The following SH3RF2 variants were observed in gnomAD, a reference collection of about 807,000 sequenced individuals.
SH3RF2 encodes the protein SH3 domain containing ring finger 2.
Under a neutral mutation model 59.0 loss-of-function variants are expected in SH3RF2, and 43 were observed. The observed-to-expected ratio is 0.73, with a 90% confidence interval of 0.57 to 0.94. The LOEUF (loss-of-function observed/expected upper bound fraction) is 0.94, where lower values mean the gene tolerates loss of function less well. Ranked by LOEUF, SH3RF2 falls within the 40% of genes least tolerant of loss-of-function variation. The probability of loss-of-function intolerance (pLI) is 0.00; values close to 1 mark genes in which losing one functional copy is unlikely to be tolerated. For missense variants in SH3RF2, 930 were observed against 940.1 expected, an observed-to-expected ratio of 0.99 and a Z score of 0.14; for synonymous variants, 391 against 391.5, an observed-to-expected ratio of 1.00 and a Z score of 0.01.
chr5:146,009,848 C>T (rs942183775), intron 4 of SH3RF2, among the ~76,000 whole-genome samples: 6 of 152,030 alleles, frequency 3.9e-5, no homozygotes, highest in Non-Finnish European at 5.9e-5. Flanking sequence ...TCAACAAAAG[C>T]GACATTCAAT....
intron 8 of SH3RF2, among the ~76,000 whole-genome samples, chr5:146,057,241 C>T (rs1208050839): frequency 1.3e-5 from 2 of 152,200 alleles, no homozygotes; most frequent in Non-Finnish European, 2.9e-5. Context: ...ATCTTAGCTT[C>T]GCTGTCCAGT....
At chr5:145,998,946 A>G (rs1760279472) in intron 2 of SH3RF2, among the ~76,000 whole-genome samples, 3 of 152,304 alleles carry the variant, frequency 2.0e-5, no homozygotes, top group Non-Finnish European at 4.4e-5. Flanking sequence ...TGTTTACACT[A>G]TGCTGTAGTC....
At chr5:145,953,807 G>A (rs1010191524) in intron 2 of SH3RF2, among the ~76,000 whole-genome samples, 4 of 152,102 alleles carry the variant, frequency 2.6e-5, no homozygotes, top group Non-Finnish European at 5.9e-5. Context: ...AGAACATGCC[G>A]TATTTGGTTT....
intron 2 of SH3RF2, chr5:145,997,388 A>G (rs892185177): frequency 8.2e-7 from 1 of 1,224,222 alleles, no homozygotes; most frequent in Admixed American, 1.7e-5. Context: ...GTCATTTATA[A>G]ATGGGCTTTG....
At chr5:146,045,956 G>A (rs571148226) in intron 5 of SH3RF2, among the ~76,000 whole-genome samples, 1 of 152,096 alleles carries the variant, frequency 6.6e-6, no homozygotes, top group Non-Finnish European at 1.5e-5. Flanking sequence ...AATGTATGAG[G>A]GTTTCCATTT....
chr5:146,074,596 A>G (rs1467896588), intron 9 of SH3RF2, among the ~76,000 whole-genome samples: 1 of 152,162 alleles, frequency 6.6e-6, no homozygotes, highest in Non-Finnish European at 1.5e-5. Context: ...AACAAAACAA[A>G]ACAAAACAAA....
At chr5:146,028,705 G>T (rs906717450) in intron 5 of SH3RF2, among the ~76,000 whole-genome samples, 6 of 152,210 alleles carry the variant, frequency 3.9e-5, no homozygotes, top group Non-Finnish European at 7.3e-5. Context: ...GTAGCACAGG[G>T]TCTGGCTTGT....
chr5:145,938,539 C>G (rs1757689751), intron 2 of SH3RF2, among the ~76,000 whole-genome samples: 1 of 152,192 alleles, frequency 6.6e-6, no homozygotes, highest in African/African-American at 2.4e-5. Flanking sequence ...GTTCTCCTTT[C>G]CTCTAGTCCA....
At chr5:145,976,777 T>C (rs1198930302) in intron 2 of SH3RF2, among the ~76,000 whole-genome samples, 1 of 152,248 alleles carries the variant, frequency 6.6e-6, no homozygotes, top group Non-Finnish European at 1.5e-5. Flanking sequence ...GATTAATAGC[T>C]GGGCTTACTA....
chr5:146,030,324 T>C (rs369247524), intron 5 of SH3RF2, among the ~76,000 whole-genome samples: 5 of 152,204 alleles, frequency 3.3e-5, no homozygotes, highest in African/African-American at 1.2e-4. Flanking sequence ...CCCTATTCTT[T>C]GCTAGGCCTG....
intron 5 of SH3RF2, among the ~76,000 whole-genome samples, chr5:146,035,989 C>T (rs1761925194): frequency 6.6e-6 from 1 of 152,210 alleles, no homozygotes; most frequent in African/African-American, 2.4e-5. Context: ...GTGAGGAGAA[C>T]TGCAGCAGAC....
chr5:145,958,671 A>G (rs1758510165), intron 2 of SH3RF2, among the ~76,000 whole-genome samples: 2 of 152,234 alleles, frequency 1.3e-5, no homozygotes, highest in African/African-American at 4.8e-5. Context: ...GAACTTTCCA[A>G]GGTCACCCAG....
intron 2 of SH3RF2, among the ~76,000 whole-genome samples, chr5:145,953,846 A>C (rs927391394): frequency 6.6e-6 from 1 of 152,202 alleles, no homozygotes; most frequent in African/African-American, 2.4e-5. Context: ...TGCTAAGGAC[A>C]ATGGCCTTCA....
intron 5 of SH3RF2, among the ~76,000 whole-genome samples, chr5:146,018,256 C>G (rs1048385109): frequency 6.6e-6 from 1 of 152,012 alleles, no homozygotes; most frequent in Admixed American, 6.6e-5. Context: ...CCTCACCCTC[C>G]CTCTCTCCTT....
At chr5:145,969,707 C>A (rs1191532337) in intron 2 of SH3RF2, among the ~76,000 whole-genome samples, 2 of 151,000 alleles carry the variant, frequency 1.3e-5, no homozygotes, top group Non-Finnish European at 2.9e-5. Context: ...TGCACTCCAG[C>A]CTAGATGACA....
In SH3RF2 at chr5:146,002,885, T is replaced by C. The variant is rs576124092; in HGVS notation, c.649-1173T>C. ...TTTATCTTGAAACCATTCCCTATCC[T>C]CTACCCTCTATCCCCACCTCCTACC... is the stretch of plus-strand genomic sequence containing the variant. On this transcript the variant is annotated intron_variant, in intron 3 of 9. Transcript: ENST00000359120. 1.4e-4 allele frequency among the ~76,000 whole-genome samples: 22 copies of C among 152,294 alleles called. 3 individuals carry two copies. The highest frequency in any genetic ancestry group is 5.1e-4 in the African/African-American group (21 of 41,568).
Position 146,019,370 on chromosome 5 carries a change from C to T in SH3RF2, c.1059+5309C>T, listed in dbSNP as rs148796618. Among the ~76,000 whole-genome samples, 725 of 152,150 alleles carry T rather than the reference C, an allele frequency of 4.8e-3. 6 individuals carry two copies. Among genetic ancestry groups the T allele is most frequent in the African/African-American group, 0.017 (700 of 41,514 alleles). ...AACACCATTTATTAAATAGGATGTC[C>T]TTTCCTCAGTTTAGGTTTTTGGGTG... On this transcript the variant is annotated intron_variant, in intron 5 of 9. Transcript: ENST00000359120.
chr5:146,000,440 A>C, intron 3 of SH3RF2, 113 bp downstream of exon 3: 1 of 836,044 alleles, frequency 1.2e-6, no homozygotes, highest in Non-Finnish European at 1.6e-6. Context: ...TAAATATATT[A>C]TATTATTGTT....
intron 2 of SH3RF2, 24 bp from the exon 3 acceptor site, chr5:146,000,025 AAGTACATAT>A: frequency 6.2e-7 from 1 of 1,602,742 alleles, no homozygotes; most frequent in Non-Finnish European, 8.5e-7. Context: ...ACTCTAAGCT[AAGTACATAT>A]CTTATTGGTC....
Sources: allele counts gnomAD v4.1 joint callset (sites outside exome capture counted in the v4.1 genomes callset), GRCh38; gene constraint gnomAD v4.1.1; transcripts MANE v1.5; gene names NCBI Gene and HGNC (gene_info 2026-07-23, HGNC 2026-07-21).